Variants in NEDD9 observed in about 807,000 individuals in gnomAD.
The protein encoded by NEDD9 is neural precursor cell expressed, developmentally down-regulated 9.
A neutral mutation model predicts 76.6 loss-of-function variants in NEDD9; 26 were observed. The observed-to-expected ratio is 0.34, with a 90% CI of 0.25 to 0.47. NEDD9 has a LOEUF of 0.47. NEDD9 is among the 20% of genes least tolerant of loss of function. The pLI is 1.00. For missense variants in NEDD9, 937 were observed against 1,058.5 expected (o/e 0.89, Z 1.59); for synonymous variants, 392 against 414.2 (o/e 0.95, Z 0.65).
Position 11,201,186 on chromosome 6 carries a change from T to C in NEDD9, c.460-7494A>G, listed in dbSNP as rs567630520. 9 of 949,520 alleles carry C rather than the reference T, an allele frequency of 9.5e-6. No individual in the cohort carries two copies. In the East Asian group the frequency reaches 2.0e-4, roughly 21 times the overall value. 58.8% of individuals were successfully genotyped at this position (949,520 alleles called of 1,614,324 possible). A position where few individuals can be genotyped will look rare whatever the true frequency, so the allele number is the denominator to read the frequency against. ...CTTAATGCAGAGCTGGCTAGGTGCC[T>C]GGGATGGGGCAGAGCAGCGGCAGCA... is the stretch of plus-strand genomic sequence containing the variant. On this transcript the variant is annotated intron_variant, in intron 2 of 6. Transcript: ENST00000379446.
chr6:11,303,044 G>C (rs1412069394), intron 3 of NEDD9, among the ~76,000 whole-genome samples: 1 of 152,120 alleles, frequency 6.6e-6, no homozygotes, highest in East Asian at 1.9e-4. Context: ...AGAAATAAAG[G>C]GTATTCAATT....
chr6:11,339,311 G>A (rs548027808), intron 1 of NEDD9, among the ~76,000 whole-genome samples: 1 of 152,040 alleles, frequency 6.6e-6, no homozygotes, highest in Non-Finnish European at 1.5e-5. Context: ...TATATTTTCT[G>A]CCTATTTAAA....
chr6:11,276,739 T>C (rs931394588), intron 3 of NEDD9, among the ~76,000 whole-genome samples: 4 of 152,182 alleles, frequency 2.6e-5, no homozygotes, highest in African/African-American at 9.7e-5. Flanking sequence ...CCACCTTCTC[T>C]CTTTACTCAG....
chr6:11,218,480 GT>G (rs1336959987), intron 1 of NEDD9, among the ~76,000 whole-genome samples: 42 of 151,434 alleles, frequency 2.8e-4, no homozygotes. Context: ...TCCTTTCCCA[GT>G]TCTCGATCAT....
intron 1 of NEDD9, among the ~76,000 whole-genome samples, chr6:11,225,499 A>G (rs369325463): frequency 6.6e-6 from 1 of 151,904 alleles, no homozygotes. Flanking sequence ...TTGTTTGTTT[A>G]TTTGTTTGTT....
At chr6:11,351,379 G>T (rs910678638) in intron 1 of NEDD9, among the ~76,000 whole-genome samples, 5 of 152,186 alleles carry the variant, frequency 3.3e-5, no homozygotes, top group African/African-American at 1.2e-4. Flanking sequence ...TGGAGCTGGG[G>T]CTTCATCCTG....
chr6:11,278,115 A>G (rs1056028297), intron 3 of NEDD9, among the ~76,000 whole-genome samples: 7 of 152,186 alleles, frequency 4.6e-5, no homozygotes, highest in Non-Finnish European at 8.8e-5. Flanking sequence ...CTGGGATCTC[A>G]TAACACATCT....
At chr6:11,379,772 G>C (rs1312827809) in intron 1 of NEDD9, among the ~76,000 whole-genome samples, 2 of 152,166 alleles carry the variant, frequency 1.3e-5, no homozygotes, top group African/African-American at 4.8e-5. Context: ...AGTGCCTGTT[G>C]ATGGCTCCTA....
chr6:11,334,705 T>C (rs1227331016), intron 1 of NEDD9: 4 of 152,282 alleles, frequency 2.6e-5, no homozygotes, highest in African/African-American at 9.6e-5. Context: ...GTTTTTTTGC[T>C]AATGACTTAC....
chr6:11,234,937 C>T (rs562300131), upstream of NEDD9, among the ~76,000 whole-genome samples: 11 of 152,240 alleles, frequency 7.2e-5, no homozygotes, highest in African/African-American at 2.6e-4. Flanking sequence ...GTCTCGAACT[C>T]CTGACCTCAG....
At chr6:11,331,818 T>C (rs1227501650) in intron 2 of NEDD9, among the ~76,000 whole-genome samples, 2 of 152,126 alleles carry the variant, frequency 1.3e-5, no homozygotes, top group Non-Finnish European at 2.9e-5. Context: ...CTTTTACGGG[T>C]TGGTGCTGAA....
At chr6:11,349,829 A>T (rs993889823) in intron 1 of NEDD9, among the ~76,000 whole-genome samples, 2 of 152,246 alleles carry the variant, frequency 1.3e-5, no homozygotes, top group Non-Finnish European at 2.9e-5. Context: ...TACTAGGTTT[A>T]GTACCTGGGT....
At chr6:11,273,698 A>G (rs1760360691) in intron 3 of NEDD9, among the ~76,000 whole-genome samples, 1 of 152,230 alleles carries the variant, frequency 6.6e-6, no homozygotes, top group South Asian at 2.1e-4. Flanking sequence ...TGTTCATACA[A>G]TGGAAGGCCG....
chr6:11,200,855 C>A, intron 2 of NEDD9: 1 of 1,566,846 alleles, frequency 6.4e-7, no homozygotes, highest in East Asian at 2.3e-5. Flanking sequence ...ATGGGAAACC[C>A]CAGGAGAAAA....
chr6:11,250,495 C>A (rs1231288926), intron 3 of NEDD9, among the ~76,000 whole-genome samples: 1 of 152,162 alleles, frequency 6.6e-6, no homozygotes, highest in Non-Finnish European at 1.5e-5. Flanking sequence ...CTGCTAACTG[C>A]CCAGAATCAT....
At chr6:11,222,326 T>G (rs980286831) in intron 1 of NEDD9, among the ~76,000 whole-genome samples, 1 of 152,232 alleles carries the variant, frequency 6.6e-6, no homozygotes, top group East Asian at 1.9e-4. Context: ...TGGTGCCTGA[T>G]TGGTATTATC....
chr6:11,327,750 A>G (rs982646456), intron 2 of NEDD9, among the ~76,000 whole-genome samples: 1 of 152,266 alleles, frequency 6.6e-6, no homozygotes, highest in African/African-American at 2.4e-5. Flanking sequence ...ATGGGGAGGC[A>G]ATCCCTCATG....
intron 1 of NEDD9, among the ~76,000 whole-genome samples, chr6:11,231,738 A>G (rs1436551503): frequency 6.6e-6 from 1 of 152,212 alleles, no homozygotes; most frequent in Non-Finnish European, 1.5e-5. Flanking sequence ...ATACGGAGCA[A>G]GTCAAAAATC....
At chr6:11,315,583 T>C in intron 2 of NEDD9, among the ~76,000 whole-genome samples, 1 of 152,190 alleles carries the variant, frequency 6.6e-6, no homozygotes, top group East Asian at 1.9e-4. Context: ...ACAGCCAAAT[T>C]GGGTGGTTTG....
Sources: gnomAD v4.1 joint callset for allele counts (sites outside exome capture counted in the v4.1 genomes callset) on GRCh38, gnomAD v4.1.1 for gene constraint, MANE v1.5 for transcripts, NCBI Gene and HGNC (gene_info 2026-07-23, HGNC 2026-07-21) for gene names.